The following SYK variants were observed in gnomAD, a reference collection of about 807,000 sequenced individuals.
SYK encodes the protein tyrosine-protein kinase SYK.
Under a neutral mutation model 77.8 loss-of-function variants are expected in SYK, and 16 were observed. That is an observed-to-expected ratio of 0.21 (90% CI 0.14 to 0.31). The LOEUF is 0.31. SYK is among the 10% of genes least tolerant of loss of function. The pLI is 1.00. For synonymous variants in SYK, 312 were observed against 308.7 expected, an observed-to-expected ratio of 1.01 and a Z score of -0.11; for missense variants, 529 against 814.4, an observed-to-expected ratio of 0.65 and a Z score of 4.26.
chr9:90,877,459 G>A (rs1827982504), intron 9 of SYK, 112 bp from the exon 10 acceptor site: 2 of 1,194,084 alleles, frequency 1.7e-6, no homozygotes, highest in Admixed American at 4.3e-5. Context: ...CCACTCTGTG[G>A]CAGGTATTTC....
chr9:90,825,722 A>G (rs1825647059), intron 1 of SYK, among the ~76,000 whole-genome samples: 2 of 152,206 alleles, frequency 1.3e-5, no homozygotes, highest in South Asian at 4.1e-4. Context: ...AGGTGGGGGC[A>G]CTGACAGCCA....
chr9:90,890,569 G>T (rs1828748574), intron 13 of SYK, among the ~76,000 whole-genome samples: 1 of 152,228 alleles, frequency 6.6e-6, no homozygotes, highest in African/African-American at 2.4e-5. Context: ...AGTCCGCTCT[G>T]CAGGGGTGCA....
Position 90,821,069 on chromosome 9 carries a change from A to G in SYK, c.-42+19176A>G, listed in dbSNP as rs1229567868. On this transcript the variant is annotated intron_variant, in intron 1 of 13. Coordinates refer to ENST00000375754, the MANE Select transcript of SYK (RefSeq NM_003177.7). Reference sequence around the variant, plus strand: ...GTCACCTTTACTCCAGTTCCTAACAAGTTTCTCATCTCCATCTGAGACTGC... The same window carrying G: ...GTCACCTTTACTCCAGTTCCTAACAGGTTTCTCATCTCCATCTGAGACTGC... Among the ~76,000 whole-genome samples the G allele has an allele frequency of 2.0e-5, 3 of 152,190 alleles. No homozygotes were observed. In the East Asian group the frequency reaches 5.8e-4, roughly 29 times the overall value.
chr9:90,823,094 C>T (rs1430787015), intron 1 of SYK, among the ~76,000 whole-genome samples: 2 of 152,168 alleles, frequency 1.3e-5, no homozygotes, highest in Non-Finnish European at 2.9e-5. Flanking sequence ...TCCTCAAGTT[C>T]CAGCACCCTC....
intron 1 of SYK, among the ~76,000 whole-genome samples, chr9:90,831,623 C>T (rs376935837): frequency 7.7e-4 from 118 of 152,258 alleles, no homozygotes; most frequent in Non-Finnish European, 1.4e-3. Context: ...TCCATATCTC[C>T]GCATTCATCT....
chr9:90,840,554 TAAAAAAAAAAAAA>T (rs71360457), intron 1 of SYK, among the ~76,000 whole-genome samples: 1 of 107,024 alleles, frequency 9.3e-6, no homozygotes, highest in Non-Finnish European at 1.9e-5. Context: ...CCGTCTCTTC[TAAAAAAAAAAAAA>T]AAAAAAAAAC....
chr9:90,802,624 A>C (rs71494428), intron 1 of SYK, among the ~76,000 whole-genome samples: 1 of 152,122 alleles, frequency 6.6e-6, no homozygotes, highest in Non-Finnish European at 1.5e-5. Flanking sequence ...CCTTAAGCCC[A>C]CCTAAAAACT....
At chr9:90,844,388 C>T (rs1403139533) in intron 2 of SYK, 73 bp downstream of exon 2, 35 of 1,423,238 alleles carry the variant, frequency 2.5e-5, no homozygotes, top group Non-Finnish European at 3.0e-5. Context: ...TGGCTACATG[C>T]AACACATGTG....
intron 3 of SYK, among the ~76,000 whole-genome samples, chr9:90,858,478 T>A (rs1322219984): frequency 2.0e-5 from 3 of 152,252 alleles, no homozygotes; most frequent in African/African-American, 7.2e-5. Context: ...TGAGGCCAGA[T>A]GACCCTGAAG....
chr9:90,811,830 G>T (rs560022304), intron 1 of SYK, among the ~76,000 whole-genome samples: 15 of 151,884 alleles, frequency 9.9e-5, no homozygotes, highest in Admixed American at 2.6e-4. Context: ...GGGCGCTGAG[G>T]TGGGGGGATC....
At chr9:90,853,533 A>C (rs1439777660) in intron 3 of SYK, among the ~76,000 whole-genome samples, 1 of 152,124 alleles carries the variant, frequency 6.6e-6, no homozygotes, top group Admixed American at 6.5e-5. Context: ...ATGGAATACT[A>C]TGCAGCCATA....
In SYK at chr9:90,861,660, G is replaced by A. The variant is rs539564734; in HGVS notation, c.579-546G>A. Among the ~76,000 whole-genome samples, 61 of 137,782 alleles carry A rather than the reference G, an allele frequency of 4.4e-4. 1 individual carries two copies. The highest frequency in any genetic ancestry group is 1.5e-3 in the African/African-American group (54 of 37,152). 90.4% of individuals were successfully genotyped at this position (137,782 alleles called of 152,430 possible). A position where few individuals can be genotyped will look rare whatever the true frequency, so the allele number is the denominator to read the frequency against. On this transcript the variant is annotated intron_variant, in intron 3 of 13. Transcript: ENST00000375754. ...GCATGGGAGGGACTGAGGAAGGCCC[G>A]GGGGATGGAGGCTTCCATAACCCTC...
intron 7 of SYK, 59 bp from the exon 8 acceptor site, chr9:90,874,145 A>G: frequency 7.7e-7 from 1 of 1,299,518 alleles, no homozygotes; most frequent in African/African-American, 1.5e-5. Flanking sequence ...AATTATGCAG[A>G]TCAACTTAAC....
At chr9:90,852,222 G>A (rs930540296) in intron 3 of SYK, among the ~76,000 whole-genome samples, 1 of 152,196 alleles carries the variant, frequency 6.6e-6, no homozygotes, top group Non-Finnish European at 1.5e-5. Flanking sequence ...AGATAAAGTA[G>A]AACAGAGTGA....
rs534090674 is a variant in SYK, at chr9:90,822,896, G to C, written c.-41-20962G>C. Among the ~76,000 whole-genome samples the C allele has an allele frequency of 2.6e-5, 4 of 152,302 alleles. No individual in the cohort carries two copies. The South Asian group carries it at 8.3e-4, about 32-fold the overall frequency. ...ACCAGAAAATAAAAGAAATAGAAAG[G>C]CATGATTAATACAAGCCTCACTAGG... On this transcript the variant is annotated intron_variant, in intron 1 of 13. Transcript: ENST00000375754.
At chr9:90,891,970 C>T (rs565578197) in intron 13 of SYK, among the ~76,000 whole-genome samples, 66 of 152,150 alleles carry the variant, frequency 4.3e-4, no homozygotes, top group Non-Finnish European at 8.4e-4. Flanking sequence ...GTAAGACAGC[C>T]AGAGATTACC....
intron 1 of SYK, among the ~76,000 whole-genome samples, chr9:90,829,342 G>A (rs778717788): frequency 2.0e-5 from 3 of 151,746 alleles, no homozygotes; most frequent in East Asian, 1.9e-4. Context: ...CTTCTTGTCC[G>A]TATGCCCTAT....
chr9:90,888,111 C>T (rs749239003), intron 12 of SYK, among the ~76,000 whole-genome samples: 1 of 152,128 alleles, frequency 6.6e-6, no homozygotes, highest in African/African-American at 2.4e-5. Context: ...TAAATATACA[C>T]AAAATATAAC....
At position 90,877,786 on chromosome 9, in the gene SYK, G is replaced by C. The variant is rs199501490; in HGVS notation, c.1391+6G>C. On this transcript the variant is annotated splice_donor_region_variant and intron_variant, in intron 10 of 13. Coordinates refer to ENST00000375754, the MANE Select transcript of SYK (RefSeq NM_003177.7). ...AAGTATTTGCAGCAGAACAGGTATT[G>C]TCAGGTGCCCCCACACATCTGGAAG... 1 of 1,613,956 alleles carries C rather than the reference G, an allele frequency of 6.2e-7. No individual in the cohort carries two copies.
Sources: gnomAD v4.1 joint callset for allele counts (sites outside exome capture counted in the v4.1 genomes callset) on GRCh38, gnomAD v4.1.1 for gene constraint, MANE v1.5 for transcripts, NCBI Gene and HGNC (gene_info 2026-07-23, HGNC 2026-07-21) for gene names.